The following PPM1L variants were observed in gnomAD, a reference collection of about 807,000 sequenced individuals.
The protein encoded by PPM1L is protein phosphatase, Mg2+/Mn2+ dependent 1L.
In PPM1L, 13 loss-of-function variants were observed where a neutral mutation model predicts 31.4. The observed-to-expected ratio is 0.41, with a 90% CI of 0.27 to 0.66. The LOEUF (loss-of-function observed/expected upper bound fraction) is 0.66. Ranked by LOEUF, PPM1L falls within the 30% of genes least tolerant of loss-of-function variation. PPM1L has a pLI of 0.29. For synonymous variants in PPM1L, 184 were observed against 175.4 expected, an observed-to-expected ratio of 1.05 and a Z score of -0.39; for missense variants, 326 against 453.7, an observed-to-expected ratio of 0.72 and a Z score of 2.56.
At chr3:160,995,738 A>T (rs1028806133) in intron 2 of PPM1L, among the ~76,000 whole-genome samples, 1 of 152,194 alleles carries the variant, frequency 6.6e-6, no homozygotes, top group African/African-American at 2.4e-5. Flanking sequence ...TACAAGAGCA[A>T]AGGTCTTGAA....
At chr3:160,840,703 G>A (rs145056096) in intron 1 of PPM1L, among the ~76,000 whole-genome samples, 1 of 149,530 alleles carries the variant, frequency 6.7e-6, no homozygotes, top group Non-Finnish European at 1.5e-5. Context: ...GAAGAAGATG[G>A]TATTCTATCT....
At chr3:160,775,643 C>T (rs1711542884) in intron 1 of PPM1L, among the ~76,000 whole-genome samples, 1 of 152,114 alleles carries the variant, frequency 6.6e-6, no homozygotes, top group Non-Finnish European at 1.5e-5. Context: ...GGGGCTGGCT[C>T]CTCAGAGGAA....
chr3:160,888,090 A>G (rs969917511), intron 1 of PPM1L, among the ~76,000 whole-genome samples: 1 of 152,232 alleles, frequency 6.6e-6, no homozygotes, highest in African/African-American at 2.4e-5. Context: ...CACAAAATAT[A>G]AAGACCAATG....
chr3:160,833,762 G>A (rs1713596253), intron 1 of PPM1L, among the ~76,000 whole-genome samples: 1 of 152,000 alleles, frequency 6.6e-6, no homozygotes, highest in South Asian at 2.1e-4. Flanking sequence ...TTGCTGTGCA[G>A]AAGCTATTTA....
intron 2 of PPM1L, among the ~76,000 whole-genome samples, chr3:161,043,740 G>A (rs546086191): frequency 9.9e-5 from 15 of 152,138 alleles, no homozygotes; most frequent in Non-Finnish European, 1.9e-4. Context: ...TGCTAACACT[G>A]AAGACTCTCC....
rs1400615670 is a variant in PPM1L at position 161,077,050 on chromosome 3, G to C, written c.*7893G>C. 1 of 152,152 alleles carries C rather than the reference G, an allele frequency of 6.6e-6. No individual in the cohort carries two copies. Among genetic ancestry groups the C allele is most frequent in the Admixed American group, 6.5e-5 (1 of 15,270 alleles). 9.4% of individuals were successfully genotyped at this position (152,152 alleles called of 1,614,324 possible). A position where few individuals can be genotyped will look rare whatever the true frequency, so the allele number is the denominator to read the frequency against. On this transcript the variant is annotated 3_prime_UTR_variant, in exon 4 of 4. Coordinates refer to ENST00000498165, the MANE Select transcript of PPM1L (RefSeq NM_139245.4). Reference sequence around the variant, plus strand: ...ATGTATCCATGGTGAGCACTCAGGCGCCATCACTGCCTTCTTGGGGCTTAC... The same window carrying C: ...ATGTATCCATGGTGAGCACTCAGGCCCCATCACTGCCTTCTTGGGGCTTAC...
rs1426390535 is a variant in PPM1L at position 160,955,897 on chromosome 3, G to A, written c.400-5839G>A. On this transcript the variant is annotated intron_variant, in intron 1 of 3. Coordinates refer to ENST00000498165, the MANE Select transcript of PPM1L (RefSeq NM_139245.4). ...TCTCCATCTCCTGACCTCATGATCC[G>A]CCCGCCTCAGCCTCCCAAAGTGCTG... Among the ~76,000 whole-genome samples the A allele has an allele frequency of 5.3e-5, 8 of 151,712 alleles. No individual in the cohort carries two copies. The East Asian group carries it at 5.8e-4, about 11-fold the overall frequency.
At chr3:160,992,877 G>A (rs2108045063) in intron 2 of PPM1L, among the ~76,000 whole-genome samples, 1 of 152,294 alleles carries the variant, frequency 6.6e-6, no homozygotes, top group Non-Finnish European at 1.5e-5. Flanking sequence ...AGGTGGGCAT[G>A]CACCATGGAC....
chr3:161,062,196 G>T (rs150330903), intron 2 of PPM1L, among the ~76,000 whole-genome samples: 1 of 151,476 alleles, frequency 6.6e-6, no homozygotes, highest in Non-Finnish European at 1.5e-5. Context: ...TTGAGTCCTC[G>T]TCCATGGAAT....
chr3:160,843,086 T>C (rs1049437616), intron 1 of PPM1L, among the ~76,000 whole-genome samples: 1 of 152,116 alleles, frequency 6.6e-6, no homozygotes, highest in Non-Finnish European at 1.5e-5. Flanking sequence ...TCTAATTCTT[T>C]TTTTTAAAAA....
chr3:160,760,222 G>A (rs1576625886), intron 1 of PPM1L, among the ~76,000 whole-genome samples: 1 of 152,196 alleles, frequency 6.6e-6, no homozygotes, highest in African/African-American at 2.4e-5. Flanking sequence ...GGCTTTAGGT[G>A]TAAATTTTCT....
chr3:161,023,127 G>GT (rs35722797), intron 2 of PPM1L, among the ~76,000 whole-genome samples: 48,774 of 142,742 alleles, frequency 0.34, 8,533 homozygotes, highest in East Asian at 0.64. Flanking sequence ...CATTATGAGG[G>GT]TTTTTTTTTT....
intron 2 of PPM1L, among the ~76,000 whole-genome samples, chr3:161,001,691 A>G (rs1182794397): frequency 1.3e-5 from 2 of 152,164 alleles, no homozygotes; most frequent in African/African-American, 4.8e-5. Flanking sequence ...TCAAAGCTTC[A>G]CTAGCTACCA....
intron 2 of PPM1L, among the ~76,000 whole-genome samples, chr3:161,030,413 T>A (rs1718531024): frequency 6.6e-6 from 1 of 152,190 alleles, no homozygotes; most frequent in South Asian, 2.1e-4. Flanking sequence ...CACTTATGGA[T>A]CAGGCCCTCC....
chr3:160,823,233 C>T (rs946170333), intron 1 of PPM1L, among the ~76,000 whole-genome samples: 8 of 152,022 alleles, frequency 5.3e-5, no homozygotes, highest in Admixed American at 4.6e-4. Flanking sequence ...TATTTACTTT[C>T]TTTGATTTTT....
chr3:160,773,690 C>T (rs1268242305), intron 1 of PPM1L, among the ~76,000 whole-genome samples: 1 of 152,140 alleles, frequency 6.6e-6, no homozygotes, highest in Non-Finnish European at 1.5e-5. Flanking sequence ...CTGCTTTCTT[C>T]CTACTTACCT....
chr3:160,809,229 A>G (rs1712734352), intron 1 of PPM1L, among the ~76,000 whole-genome samples: 1 of 152,128 alleles, frequency 6.6e-6, no homozygotes. Flanking sequence ...GATTGGCCTG[A>G]AGTGAAGGCC....
At chr3:161,043,195 A>T (rs573941943) in intron 2 of PPM1L, among the ~76,000 whole-genome samples, 1 of 152,214 alleles carries the variant, frequency 6.6e-6, no homozygotes, top group South Asian at 2.1e-4. Flanking sequence ...TTAGCAGTCA[A>T]CCAGAGGGAG....
rs1404958186 is a variant in PPM1L at position 161,070,381 on chromosome 3, C to T, written c.*1224C>T. The T allele has an allele frequency of 1.3e-5, 2 of 152,124 alleles. No individual in the cohort carries two copies. The highest frequency in any genetic ancestry group is 3.9e-4 in the East Asian group (2 of 5,182). The allele number at this position is 152,124 out of a possible 1,614,324, so 9.4% of individuals were successfully genotyped here. ...ATCTCCATCCACATCAGGGAGCTTT[C>T]CCCAGGCAAATACAAACCGCCCCGT... On this transcript the variant is annotated 3_prime_UTR_variant, in exon 4 of 4. Coordinates refer to ENST00000498165, the MANE Select transcript of PPM1L (RefSeq NM_139245.4).
Sources: allele counts gnomAD v4.1 joint callset (sites outside exome capture counted in the v4.1 genomes callset), GRCh38; gene constraint gnomAD v4.1.1; transcripts MANE v1.5; gene names NCBI Gene and HGNC (gene_info 2026-07-23, HGNC 2026-07-21).